ATG14: variants seen among roughly 807,000 people sequenced by gnomAD.
The protein encoded by ATG14 is autophagy related 14.
A neutral mutation model predicts 60.4 loss-of-function variants in ATG14; 35 were observed. The ratio of observed to expected loss-of-function variants is 0.58; its 90% CI spans 0.44 to 0.77. ATG14 has a LOEUF of 0.77. Ranked by LOEUF, ATG14 falls within the 30% of genes least tolerant of loss-of-function variation. The probability of loss-of-function intolerance (pLI) is 0.00; values close to 1 mark genes in which losing one functional copy is unlikely to be tolerated. For missense variants in ATG14, 647 were observed against 626.3 expected (o/e 1.03, Z -0.35); for synonymous variants, 234 against 228.8 (o/e 1.02, Z -0.21).
chr14:55,388,964 T>C (rs1885169536), intron 4 of ATG14, among the ~76,000 whole-genome samples: 1 of 151,980 alleles, frequency 6.6e-6, no homozygotes, highest in Non-Finnish European at 1.5e-5. Flanking sequence ...TTTTTCAACA[T>C]GGCGATTTGA....
rs1259820298 is a variant in ATG14, at chr14:55,380,673, G to A, written c.895C>T (p.Pro299Ser). 1 of 1,602,252 alleles carries A rather than the reference G, an allele frequency of 6.2e-7. No individual in the cohort carries two copies. The highest frequency in any genetic ancestry group is 8.5e-7 in the Non-Finnish European group (1 of 1,174,032). Reference sequence around the variant, plus strand: ...AGCGCAGCACTGATGGTGTAGGCAGGGTTACTCTGCTCCATGTCTGCAGTA... The same window carrying A: ...AGCGCAGCACTGATGGTGTAGGCAGAGTTACTCTGCTCCATGTCTGCAGTA... ...TQGPDMEQSNPAYTISAALCY... is the reference protein window; with the variant it reads ...TQGPDMEQSNSAYTISAALCY... The change falls in exon 7 of 10, where the codon CCT becomes TCT. Residue 299 changes from proline (P) to serine (S), a missense_variant. Pro to Ser is a moderately conservative substitution (Grantham distance 74). Coordinates refer to ENST00000247178, the MANE Select transcript of ATG14 (RefSeq NM_014924.5).
intron 4 of ATG14, among the ~76,000 whole-genome samples, chr14:55,386,602 G>C (rs542891790): frequency 6.6e-6 from 1 of 152,348 alleles, no homozygotes; most frequent in Admixed American, 6.5e-5. Context: ...AAAAGTCACA[G>C]TGGAGTGTGG....
intron 1 of ATG14, among the ~76,000 whole-genome samples, chr14:55,405,122 G>T (rs1033472907): frequency 6.6e-6 from 1 of 152,196 alleles, no homozygotes; most frequent in Non-Finnish European, 1.5e-5. Flanking sequence ...TGAAACAGTC[G>T]TAAGGCTGAT....
At chr14:55,373,301 C>A (rs556038335) in intron 9 of ATG14, among the ~76,000 whole-genome samples, 100 of 152,232 alleles carry the variant, frequency 6.6e-4, no homozygotes, top group African/African-American at 2.4e-3. Flanking sequence ...ACAAAAGGAT[C>A]TTTCTAGCTT....
At chr14:55,380,079 C>T (rs1378163662) in intron 7 of ATG14, among the ~76,000 whole-genome samples, 2 of 152,084 alleles carry the variant, frequency 1.3e-5, no homozygotes, top group Non-Finnish European at 2.9e-5. Context: ...AAACCCCCCT[C>T]ACTCCTAGAA....
intron 2 of ATG14, among the ~76,000 whole-genome samples, chr14:55,396,560 TTAAC>T (rs1416741664): frequency 2.0e-5 from 3 of 152,320 alleles, no homozygotes; most frequent in African/African-American, 7.2e-5. Context: ...GGCCTGAGCA[TTAAC>T]TGTTTTCATC....
In ATG14 at chr14:55,368,029, T is replaced by C. The variant is rs751049306; in HGVS notation, c.*1590A>G. 3.9e-5 allele frequency: 6 copies of C among 152,638 alleles called. No homozygotes were observed. Among genetic ancestry groups the C allele is most frequent in the Non-Finnish European group, 5.9e-5 (4 of 68,036 alleles). The allele number at this position is 152,638 out of a possible 1,614,324, so 9.5% of individuals were successfully genotyped here. On this transcript the variant is annotated 3_prime_UTR_variant, in exon 10 of 10. Transcript: ENST00000247178. ...GCTATCATGCCAATCACATAAGATA[T>C]GGTAATAATGCCTGTTAGGACTCTT...
intron 4 of ATG14, among the ~76,000 whole-genome samples, chr14:55,387,901 A>G (rs974792840): frequency 9.9e-5 from 15 of 152,204 alleles, no homozygotes; most frequent in South Asian, 4.2e-4. Context: ...CCTCAATGTG[A>G]TCCGCCCGCC....
At chr14:55,396,359 C>G (rs2140144669) in intron 2 of ATG14, among the ~76,000 whole-genome samples, 1 of 152,230 alleles carries the variant, frequency 6.6e-6, no homozygotes. Context: ...CATATTGGTT[C>G]TATGGAATAA....
At chr14:55,386,656 T>C (rs1885130402) in intron 4 of ATG14, among the ~76,000 whole-genome samples, 1 of 152,162 alleles carries the variant, frequency 6.6e-6, no homozygotes, top group Non-Finnish European at 1.5e-5. Context: ...GTGAGGTATC[T>C]AGACACGCAT....
intron 9 of ATG14, among the ~76,000 whole-genome samples, chr14:55,374,221 T>TTTG (rs774773623): frequency 1.3e-5 from 2 of 152,122 alleles, no homozygotes; most frequent in Non-Finnish European, 2.9e-5. Flanking sequence ...TTAATGTTTT[T>TTTG]TTTTAAAGAG....
Position 55,368,879 on chromosome 14 carries a change from G to C in ATG14, c.*740C>G, listed in dbSNP as rs1884745518. ...CAGGAATTCAACTAGGTAAGAATAA[G>C]CTTAATTCCCCTCAGAATACAAGAA... On this transcript the variant is annotated 3_prime_UTR_variant, in exon 10 of 10. Transcript: ENST00000247178. The C allele has an allele frequency of 6.6e-6, 1 of 152,330 alleles. No individual in the cohort carries two copies. The highest frequency in any genetic ancestry group is 6.5e-5 in the Admixed American group (1 of 15,276). The allele number at this position is 152,330 out of a possible 1,614,324, so 9.4% of individuals were successfully genotyped here.
chr14:55,375,373 G>T (rs1884897936), intron 9 of ATG14, among the ~76,000 whole-genome samples: 1 of 152,012 alleles, frequency 6.6e-6, no homozygotes, highest in African/African-American at 2.4e-5. Flanking sequence ...CTGTCATCCA[G>T]GTTGGAGTGC....
chr14:55,370,179 G>A (rs962121033), intron 9 of ATG14, among the ~76,000 whole-genome samples: 5 of 152,100 alleles, frequency 3.3e-5, no homozygotes, highest in African/African-American at 7.2e-5. Flanking sequence ...GGTGATGACC[G>A]TGCATAGGAA....
intron 1 of ATG14, 54 bp downstream of exon 1, chr14:55,411,548 C>T: frequency 6.6e-7 from 1 of 1,523,560 alleles, no homozygotes; most frequent in Non-Finnish European, 8.9e-7. Flanking sequence ...CTTCGGCTGC[C>T]TGGCTGGAGG....
At chr14:55,394,783 C>T (rs568441594) in intron 3 of ATG14, among the ~76,000 whole-genome samples, 1 of 152,214 alleles carries the variant, frequency 6.6e-6, no homozygotes, top group Admixed American at 6.5e-5. Context: ...ACTGTGACTC[C>T]ATAGTGCCAT....
intron 9 of ATG14, among the ~76,000 whole-genome samples, chr14:55,374,202 TTTA>T (rs1159706338): frequency 1.3e-5 from 2 of 148,634 alleles, no homozygotes; most frequent in African/African-American, 2.5e-5. Context: ...TTTTAAGTTT[TTTA>T]TTATTTTAAT....
chr14:55,378,489 A>G (rs1221482744), intron 7 of ATG14, among the ~76,000 whole-genome samples: 1 of 152,192 alleles, frequency 6.6e-6, no homozygotes, highest in Non-Finnish European at 1.5e-5. Context: ...GAGGCCCACA[A>G]GATTTGCACC....
intron 1 of ATG14, among the ~76,000 whole-genome samples, chr14:55,411,388 G>A (rs1885568825): frequency 6.6e-6 from 1 of 152,194 alleles, no homozygotes; most frequent in African/African-American, 2.4e-5. Context: ...CCTCTTGGGT[G>A]GGTGATGGGG....
Sources: gnomAD v4.1 joint callset for allele counts (sites outside exome capture counted in the v4.1 genomes callset) on GRCh38, gnomAD v4.1.1 for gene constraint, MANE v1.5 for transcripts, NCBI Gene and HGNC (gene_info 2026-07-23, HGNC 2026-07-21) for gene names.